ARHGAP39: variants seen among roughly 807,000 people sequenced by gnomAD.
ARHGAP39 encodes Rho GTPase activating protein 39.
Under a neutral mutation model 106.9 loss-of-function variants are expected in ARHGAP39, and 44 were observed. That is an observed-to-expected ratio of 0.41 (90% confidence interval 0.32 to 0.53). The LOEUF (loss-of-function observed/expected upper bound fraction) is 0.53. ARHGAP39 is among the 20% of genes least tolerant of loss of function. The pLI is 0.21. For synonymous variants in ARHGAP39, 768 were observed against 693.2 expected, an observed-to-expected ratio of 1.11 and a Z score of -1.69; for missense variants, 1,496 against 1,577.3, an observed-to-expected ratio of 0.95 and a Z score of 0.87.
Position 144,555,731 on chromosome 8 carries a change from G to A in ARHGAP39, c.513-88C>T. 3.5e-6 allele frequency: 4 copies of A among 1,146,742 alleles called. No individual in the cohort carries two copies. In the South Asian group the frequency reaches 3.7e-5, roughly 11 times the overall value. 71.0% of individuals were successfully genotyped at this position (1,146,742 alleles called of 1,614,324 possible). A position where few individuals can be genotyped will look rare whatever the true frequency, so the allele number is the denominator to read the frequency against. ...CTCCCTGACTTAAGAATGTGGCACT[G>A]CCACCTCAATTTCCTGGAAATAACC... is the stretch of plus-strand genomic sequence containing the variant. On this transcript the variant is annotated intron_variant, in intron 3 of 11. Transcript: ENST00000377307.
chr8:144,645,281 G>A lies in ARHGAP39; in HGVS notation c.-81-39586C>T, dbSNP rs952635676. 1.3e-5 allele frequency among the ~76,000 whole-genome samples: 2 copies of A among 152,234 alleles called. No individual in the cohort carries two copies. Among genetic ancestry groups the A allele is most frequent in the East Asian group, 1.9e-4 (1 of 5,190 alleles). On this transcript the variant is annotated intron_variant, in intron 1 of 11. Transcript: ENST00000377307. This position sits in a 1 kb window ranked among gnomAD's most constrained non-coding sequence, Gnocchi z 4.4. ...GGGACACTACATGAACTGAAGGCAC[G>A]AGAAGTCCAGGTGTCAAGGAGAGGT...
chr8:144,574,168 G>T, intron 3 of ARHGAP39, among the ~76,000 whole-genome samples: 1 of 137,960 alleles, frequency 7.2e-6, no homozygotes, highest in African/African-American at 3.1e-5. Flanking sequence ...AAAAAAAAAA[G>T]GGAAGAAGAT....
chr8:144,615,973 G>C lies in ARHGAP39; in HGVS notation c.-81-10278C>G, dbSNP rs1202206510. Reference sequence around the variant, plus strand: ...CAGCCCATCAGCAAGCCATGGAATGGACTTGGGAGGTCAGGGCCGGCTTCT... The same window carrying C: ...CAGCCCATCAGCAAGCCATGGAATGCACTTGGGAGGTCAGGGCCGGCTTCT... On this transcript the variant is annotated intron_variant, in intron 1 of 11. Transcript: ENST00000377307. Among the ~76,000 whole-genome samples, 9 of 152,376 alleles carry C rather than the reference G, an allele frequency of 5.9e-5. No homozygotes were observed. In the East Asian group the frequency reaches 1.7e-3, roughly 29 times the overall value.
chr8:144,576,415 A>G (rs564807848), intron 3 of ARHGAP39, among the ~76,000 whole-genome samples: 9 of 150,516 alleles, frequency 6.0e-5, no homozygotes, highest in African/African-American at 2.2e-4. Flanking sequence ...CAATAGCCCC[A>G]CATCACCCCA....
At chr8:144,662,813 C>T (rs1178626450) in intron 1 of ARHGAP39, among the ~76,000 whole-genome samples, 1 of 148,196 alleles carries the variant, frequency 6.7e-6, no homozygotes, top group African/African-American at 2.5e-5. Flanking sequence ...TGGGCCACTC[C>T]CCCCATCCCC....
rs1448366853 is a variant in ARHGAP39, at chr8:144,545,677, G to A, written c.2093C>T (p.Ala698Val). The change falls in exon 6 of 12, where the codon GCC becomes GTC. Residue 698 changes from alanine (A) to valine (V), a missense_variant. Coordinates refer to ENST00000377307, the MANE Select transcript of ARHGAP39 (RefSeq NM_025251.3). ...CGTGTGCTTGTTGAAGTGCTTGGAGGCCCAGTTCTCGATGTCCGTCTCCGA... is the reference window on the plus strand; with the variant it reads ...CGTGTGCTTGTTGAAGTGCTTGGAGACCCAGTTCTCGATGTCCGTCTCCGA... ...PSSETDIENW[A>V]SKHFNKHTQG... The A allele has an allele frequency of 2.5e-6, 4 of 1,613,326 alleles. No individual in the cohort carries two copies. The highest frequency in any genetic ancestry group is 1.1e-5 in the South Asian group (1 of 91,086).
At chr8:144,650,932 C>T (rs1421825197) in intron 1 of ARHGAP39, among the ~76,000 whole-genome samples, 1 of 152,100 alleles carries the variant, frequency 6.6e-6, no homozygotes, top group African/African-American at 2.4e-5. Context: ...AAAGGGCATC[C>T]AAATAGGGAG....
At chr8:144,660,746 GAGGC>G (rs1352476480) in intron 1 of ARHGAP39, among the ~76,000 whole-genome samples, 1 of 152,130 alleles carries the variant, frequency 6.6e-6, no homozygotes, top group Admixed American at 6.5e-5. Flanking sequence ...TTGGGAGGCC[GAGGC>G]AGGCAGATCA....
intron 1 of ARHGAP39, among the ~76,000 whole-genome samples, chr8:144,635,658 T>C (rs554768884): frequency 2.6e-5 from 4 of 152,282 alleles, no homozygotes; most frequent in Admixed American, 1.3e-4. Flanking sequence ...GGGGGTGGTC[T>C]TGGGGAGCTG....
intron 3 of ARHGAP39, among the ~76,000 whole-genome samples, chr8:144,575,777 G>A (rs1818749633): frequency 1.3e-5 from 2 of 152,222 alleles, no homozygotes; most frequent in South Asian, 4.2e-4. Context: ...CACTATGCAC[G>A]GTTCATAACC....
rs974256707 is a variant in ARHGAP39, at chr8:144,569,927, C to T, written c.512+10919G>A. ...GAGGACAGAGAGAGCAACAGAAAAG[C>T]GTATATGCTGAGGCTGGGCGCGGTG... On this transcript the variant is annotated intron_variant, in intron 3 of 11. Coordinates refer to ENST00000377307, the MANE Select transcript of ARHGAP39 (RefSeq NM_025251.3). Among the ~76,000 whole-genome samples, 4 of 152,086 alleles carry T rather than the reference C, an allele frequency of 2.6e-5. No homozygotes were observed. The East Asian group carries it at 5.8e-4, about 22-fold the overall frequency.
chr8:144,535,755 C>G (rs1564834472), intron 7 of ARHGAP39, among the ~76,000 whole-genome samples: 1 of 152,240 alleles, frequency 6.6e-6, no homozygotes, highest in East Asian at 1.9e-4. Flanking sequence ...CTCCAACACT[C>G]TGTGACTGGG....
intron 2 of ARHGAP39, among the ~76,000 whole-genome samples, chr8:144,598,246 C>A (rs1054142619): frequency 2.8e-4 from 42 of 152,366 alleles, no homozygotes; most frequent in African/African-American, 9.9e-4. Context: ...ACTCGGAACC[C>A]AGCCGTGGGC....
chr8:144,536,570 C>T (rs776899769), intron 7 of ARHGAP39, among the ~76,000 whole-genome samples: 50 of 152,222 alleles, frequency 3.3e-4, no homozygotes, highest in Non-Finnish European at 5.9e-4. Context: ...ATGGAGTGGT[C>T]TGAGGACGTC....
At chr8:144,667,599 T>C (rs944820241) in intron 1 of ARHGAP39, among the ~76,000 whole-genome samples, 1 of 152,204 alleles carries the variant, frequency 6.6e-6, no homozygotes, top group African/African-American at 2.4e-5. Flanking sequence ...ATAAACAAAC[T>C]GTTTACACCC....
At chr8:144,663,062 AC>A (rs1821874805) in intron 1 of ARHGAP39, among the ~76,000 whole-genome samples, 1 of 50,526 alleles carries the variant, frequency 2.0e-5, no homozygotes, top group Non-Finnish European at 3.8e-5. Context: ...GTCACTCCCC[AC>A]CCCCCATTAT....
At position 144,605,590 on chromosome 8, in the gene ARHGAP39, A is replaced by G. The variant is rs540971103; in HGVS notation, c.25T>C (p.Cys9Arg). 8.1e-6 allele frequency: 13 copies of G among 1,613,622 alleles called. No homozygotes were observed. In the South Asian group the frequency reaches 1.3e-4, roughly 16 times the overall value. MSQTQDYE[C>R]RSHNVDLPES... ...GGCAGGTCGACATTATGGCTCCTGC[A>G]CTCGTAGTCCTGCGTCTGGGACATC... The change falls in exon 2 of 12, where the codon TGC (cysteine) becomes CGC (arginine). Residue 9 changes from cysteine (C) to arginine (R), a missense_variant. Around this residue, in one of 4 missense-constraint regions of ARHGAP39, gnomAD observed 96 missense variants for 107.9 expected, o/e 0.89. Coordinates refer to ENST00000377307, the MANE Select transcript of ARHGAP39 (RefSeq NM_025251.3).
the ARHGAP39 span, among the ~76,000 whole-genome samples, chr8:144,696,412 T>G: frequency 2.0e-5 from 3 of 152,210 alleles, no homozygotes. Flanking sequence ...GTGCTGGGAT[T>G]ACAGGGTGAG....
At position 144,591,003 on chromosome 8, in the gene ARHGAP39, C is replaced by G. The variant is rs1043437157; in HGVS notation, c.81-9726G>C. 3.3e-5 allele frequency among the ~76,000 whole-genome samples: 5 copies of G among 152,236 alleles called. No individual in the cohort carries two copies. In the East Asian group the frequency reaches 9.6e-4, roughly 29 times the overall value. On this transcript the variant is annotated intron_variant, in intron 2 of 11. Coordinates refer to ENST00000377307, the MANE Select transcript of ARHGAP39 (RefSeq NM_025251.3). The surrounding 1 kb of genome is among the most constrained non-coding windows in gnomAD (Gnocchi z 5.3). ...CTGGTCATTATACCCTTGACACCTT[C>G]CACAGCTGGCACTGACCCTGGAGTG...
Sources: allele counts gnomAD v4.1 joint callset (sites outside exome capture counted in the v4.1 genomes callset), GRCh38; gene constraint gnomAD v4.1.1; regional missense constraint gnomAD v4.1.1; non-coding constraint Gnocchi (gnomAD v3.1); transcripts MANE v1.5; gene names NCBI Gene and HGNC (gene_info 2026-07-23, HGNC 2026-07-21).